The following PPP1R16B variants were observed in gnomAD, a reference collection of about 807,000 sequenced individuals.
PPP1R16B encodes protein phosphatase 1 regulatory subunit 16B.
In PPP1R16B, 14 loss-of-function variants were observed where a neutral mutation model predicts 61.7. That is an observed-to-expected ratio of 0.23 (90% CI 0.15 to 0.35). The LOEUF (loss-of-function observed/expected upper bound fraction) is 0.35. Among genes scored for constraint, PPP1R16B ranks in the 10% least tolerant of loss-of-function variants. The pLI is 1.00. For synonymous variants in PPP1R16B, 266 were observed against 305.3 expected (o/e 0.87, Z 1.34); for missense variants, 547 against 752.5 (o/e 0.73, Z 3.19).
At chr20:38,868,404 A>G (rs1332927757) in intron 2 of PPP1R16B, among the ~76,000 whole-genome samples, 2 of 148,116 alleles carry the variant, frequency 1.4e-5, no homozygotes, top group African/African-American at 2.5e-5. Flanking sequence ...TTTTTTTTGG[A>G]GACAGGGTCT....
At chr20:38,892,832 C>A (rs997332532) in intron 3 of PPP1R16B, among the ~76,000 whole-genome samples, 5 of 152,182 alleles carry the variant, frequency 3.3e-5, no homozygotes, top group African/African-American at 1.2e-4. Flanking sequence ...GCAGAACATT[C>A]AAAGCCGAGG....
At chr20:38,824,613 T>C (rs1400547857) in intron 1 of PPP1R16B, among the ~76,000 whole-genome samples, 2 of 152,264 alleles carry the variant, frequency 1.3e-5, no homozygotes, top group East Asian at 3.8e-4. Context: ...CCTCTTCTCA[T>C]TCTTTTGTCC....
At chr20:38,911,539 T>C (rs1009289152) in intron 10 of PPP1R16B, among the ~76,000 whole-genome samples, 24 of 151,792 alleles carry the variant, frequency 1.6e-4, no homozygotes, top group Non-Finnish European at 3.4e-4. Flanking sequence ...TGCTCCTTTT[T>C]TTTTTTTTTT....
intron 4 of PPP1R16B, among the ~76,000 whole-genome samples, chr20:38,897,308 C>T (rs762719364): frequency 2.6e-5 from 4 of 152,264 alleles, no homozygotes; most frequent in Admixed American, 1.3e-4. Flanking sequence ...CCCTGGGCGA[C>T]GGAGTGAGAC....
At chr20:38,815,100 T>C (rs1049433486) in intron 1 of PPP1R16B, among the ~76,000 whole-genome samples, 1 of 152,248 alleles carries the variant, frequency 6.6e-6, no homozygotes, top group Non-Finnish European at 1.5e-5. Flanking sequence ...GTCATGCTTT[T>C]TAATTACACA....
intron 2 of PPP1R16B, among the ~76,000 whole-genome samples, chr20:38,877,269 CT>C (rs1474071494): frequency 1.3e-5 from 2 of 151,906 alleles, no homozygotes; most frequent in East Asian, 3.9e-4. Context: ...AGAATGTGTG[CT>C]GAAAATTCCT....
Position 38,806,795 on chromosome 20 carries a change from G to A in PPP1R16B, c.-102+1003G>A, listed in dbSNP as rs2084665060. Among the ~76,000 whole-genome samples the A allele has an allele frequency of 6.6e-6, 1 of 152,158 alleles. No individual in the cohort carries two copies. The highest frequency in any genetic ancestry group is 1.5e-5 in the Non-Finnish European group (1 of 68,014). ...GCCCTTGGAGGATAATTGAGCCTGGGAGAGCTTTGAATCTGGCCCTCCTGA... is the reference window on the plus strand; with the variant it reads ...GCCCTTGGAGGATAATTGAGCCTGGAAGAGCTTTGAATCTGGCCCTCCTGA... On this transcript the variant is annotated intron_variant, in intron 1 of 10. Transcript: ENST00000299824. This position sits in a 1 kb window ranked among gnomAD's most constrained non-coding sequence, Gnocchi z 4.5.
chr20:38,876,846 A>G (rs980347112), intron 2 of PPP1R16B, among the ~76,000 whole-genome samples: 3 of 152,244 alleles, frequency 2.0e-5, no homozygotes, highest in Admixed American at 1.3e-4. Context: ...TTATAAAGGT[A>G]GTACATATGG....
rs1176563643 is a variant in PPP1R16B, at chr20:38,806,171, G to T, written c.-102+379G>T. 6.6e-6 allele frequency among the ~76,000 whole-genome samples: 1 copy of T among 152,092 alleles called. No individual in the cohort carries two copies. Among genetic ancestry groups the T allele is most frequent in the Admixed American group, 6.5e-5 (1 of 15,282 alleles). ...CGCCGTCTGCCGGGGGTGCAATGCC[G>T]GGCGGCGGGAGCCACAGCGGACACC... On this transcript the variant is annotated intron_variant, in intron 1 of 10. Transcript: ENST00000299824. The surrounding 1 kb of genome is among the most constrained non-coding windows in gnomAD (Gnocchi z 4.5).
At chr20:38,897,120 T>G (rs931232033) in intron 4 of PPP1R16B, among the ~76,000 whole-genome samples, 1 of 152,158 alleles carries the variant, frequency 6.6e-6, no homozygotes, top group Admixed American at 6.5e-5. Flanking sequence ...CACTCCAGCC[T>G]GGGCAACAAG....
rs770210301 is a variant in PPP1R16B, at chr20:38,918,356, C to T, written c.1394C>T (p.Ala465Val). ...TATGGCAACCCTGGCGTGGCCGACG[C>T]CACCCCGCCCTGGAGCAGCTACAAG... The part of the protein sequence containing the change: ...MAYGNPGVAD[A>V]TPPWSSYKEQ... The change falls in exon 11 of 11, where the codon GCC becomes GTC. Residue 465 changes from alanine (A) to valine (V), a missense_variant. Coordinates refer to ENST00000299824, the MANE Select transcript of PPP1R16B (RefSeq NM_015568.4). This position sits in a 1 kb window ranked among gnomAD's most constrained non-coding sequence, Gnocchi z 5.3. 2.5e-6 allele frequency: 4 copies of T among 1,614,116 alleles called. No homozygotes were observed. The South Asian group carries it at 4.4e-5, about 18-fold the overall frequency.
At position 38,914,686 on chromosome 20, in the gene PPP1R16B, A is replaced by G. The variant is rs552355194; in HGVS notation, c.1195-3471A>G. Among the ~76,000 whole-genome samples the G allele has an allele frequency of 1.8e-4, 27 of 152,294 alleles. 1 individual carries two copies. The highest frequency in any genetic ancestry group is 5.8e-4 in the African/African-American group (24 of 41,570). On this transcript the variant is annotated intron_variant, in intron 10 of 10. Transcript: ENST00000299824. Reference sequence around the variant, plus strand: ...GGGTTTTGTTTTCTTTTGTTGAGACAGGGTCTCATTCTGACAGGGTCACTC... The same window carrying G: ...GGGTTTTGTTTTCTTTTGTTGAGACGGGGTCTCATTCTGACAGGGTCACTC...
At chr20:38,825,138 T>C (rs932439686) in intron 1 of PPP1R16B, among the ~76,000 whole-genome samples, 4 of 152,238 alleles carry the variant, frequency 2.6e-5, no homozygotes, top group African/African-American at 9.6e-5. Flanking sequence ...CCCCTTCCTC[T>C]TATGCTGGTA....
At chr20:38,894,385 C>T (rs1271183268) in intron 3 of PPP1R16B, among the ~76,000 whole-genome samples, 4 of 152,226 alleles carry the variant, frequency 2.6e-5, no homozygotes, top group Non-Finnish European at 2.9e-5. Flanking sequence ...TTCTGGAGGC[C>T]AGGCCACCAT....
At chr20:38,888,481 G>T (rs746710339) in intron 2 of PPP1R16B, among the ~76,000 whole-genome samples, 3 of 152,180 alleles carry the variant, frequency 2.0e-5, no homozygotes, top group African/African-American at 2.4e-5. Flanking sequence ...TCCTATTGAG[G>T]CCCTGCAAGC....
intron 2 of PPP1R16B, among the ~76,000 whole-genome samples, chr20:38,841,889 C>T (rs2084911412): frequency 1.3e-5 from 2 of 152,166 alleles, no homozygotes; most frequent in Admixed American, 1.3e-4. Flanking sequence ...TGCTGGAAGG[C>T]AAATTTGGGT....
At chr20:38,836,425 C>T (rs1427620115) in intron 2 of PPP1R16B, among the ~76,000 whole-genome samples, 3 of 152,148 alleles carry the variant, frequency 2.0e-5, no homozygotes, top group Non-Finnish European at 2.9e-5. Flanking sequence ...GATCTCAGCT[C>T]GCTGCAACCT....
At chr20:38,915,641 C>A (rs1049163893) in intron 10 of PPP1R16B, among the ~76,000 whole-genome samples, 1 of 152,066 alleles carries the variant, frequency 6.6e-6, no homozygotes, top group Non-Finnish European at 1.5e-5. Context: ...TGCGTCACTG[C>A]GCCTGTCTAA....
intron 2 of PPP1R16B, among the ~76,000 whole-genome samples, chr20:38,871,373 C>T (rs1465387283): frequency 6.6e-6 from 1 of 152,060 alleles, no homozygotes; most frequent in Non-Finnish European, 1.5e-5. Context: ...GGCAAATGCC[C>T]TCAGGGTCAC....
Sources: allele counts gnomAD v4.1 joint callset (sites outside exome capture counted in the v4.1 genomes callset), GRCh38; gene constraint gnomAD v4.1.1; non-coding constraint Gnocchi (gnomAD v3.1); transcripts MANE v1.5; gene names NCBI Gene and HGNC (gene_info 2026-07-23, HGNC 2026-07-21).